Variants in OSBPL1A observed in about 807,000 individuals in gnomAD.
OSBPL1A encodes oxysterol-binding protein-related protein 1.
A neutral mutation model predicts 137.1 loss-of-function variants in OSBPL1A; 80 were observed. That is an observed-to-expected ratio of 0.58 (90% confidence interval 0.49 to 0.70). The LOEUF (loss-of-function observed/expected upper bound fraction) is 0.70, where lower values mean the gene tolerates loss of function less well. OSBPL1A is among the 30% of genes least tolerant of loss of function. OSBPL1A has a pLI of 0.00. For missense variants in OSBPL1A, 970 were observed against 1,129.4 expected, an observed-to-expected ratio of 0.86 and a Z score of 2.02; for synonymous variants, 365 against 389.7, an observed-to-expected ratio of 0.94 and a Z score of 0.75.
At chr18:24,266,923 C>T (rs943707187) in intron 15 of OSBPL1A, among the ~76,000 whole-genome samples, 1 of 151,528 alleles carries the variant, frequency 6.6e-6, no homozygotes, top group Non-Finnish European at 1.5e-5. Context: ...AAATAAAACT[C>T]AAAAAACTGA....
intron 15 of OSBPL1A, among the ~76,000 whole-genome samples, chr18:24,247,165 A>G (rs2088921800): frequency 6.6e-6 from 1 of 152,252 alleles, no homozygotes; most frequent in Non-Finnish European, 1.5e-5. Flanking sequence ...AGAAAGAGTC[A>G]GCAAAGGAAA....
At chr18:24,299,788 C>T (rs1338857498) in intron 14 of OSBPL1A, among the ~76,000 whole-genome samples, 1 of 152,100 alleles carries the variant, frequency 6.6e-6, no homozygotes, top group Non-Finnish European at 1.5e-5. Flanking sequence ...TAGTAACATG[C>T]AATATAGTAT....
intron 14 of OSBPL1A, among the ~76,000 whole-genome samples, chr18:24,292,347 C>T (rs2090189633): frequency 6.6e-6 from 1 of 152,176 alleles, no homozygotes; most frequent in African/African-American, 2.4e-5. Flanking sequence ...AAATATGCCA[C>T]AGTTCTGATG....
At chr18:24,225,991 C>A (rs1448103940) in intron 16 of OSBPL1A, among the ~76,000 whole-genome samples, 3 of 152,072 alleles carry the variant, frequency 2.0e-5, no homozygotes, top group Non-Finnish European at 4.4e-5. Context: ...AAATAAAATA[C>A]TTTTAAAAAT....
intron 1 of OSBPL1A, among the ~76,000 whole-genome samples, chr18:24,395,802 A>C (rs1907694509): frequency 1.3e-5 from 2 of 151,248 alleles, no homozygotes; most frequent in South Asian, 4.2e-4. Flanking sequence ...TTGTATTTTT[A>C]GTAGAGACAG....
At chr18:24,269,003 C>T (rs1036632094) in intron 15 of OSBPL1A, among the ~76,000 whole-genome samples, 1 of 152,192 alleles carries the variant, frequency 6.6e-6, no homozygotes, top group South Asian at 2.1e-4. Flanking sequence ...CTGGGTGTCA[C>T]CTATGGCTCC....
chr18:24,181,139 T>C lies in OSBPL1A; in HGVS notation c.1812+6A>G. ...GAGTTAGACCTTTTCCTCCCTTGGC[T>C]CATACCTGCATCCTTTCCACAGGAT... On this transcript the variant is annotated splice_donor_region_variant and intron_variant, in intron 19 of 27. Coordinates refer to ENST00000319481, the MANE Select transcript of OSBPL1A (RefSeq NM_080597.4). The C allele has an allele frequency of 6.2e-7, 1 of 1,613,408 alleles. No individual in the cohort carries two copies. The highest frequency in any genetic ancestry group is 2.2e-5 in the East Asian group (1 of 44,864).
At chr18:24,267,331 AGGT>A (rs2089604179) in intron 15 of OSBPL1A, among the ~76,000 whole-genome samples, 2 of 152,178 alleles carry the variant, frequency 1.3e-5, no homozygotes, top group African/African-American at 4.8e-5. Flanking sequence ...TACAAAGATA[AGGT>A]GGTTTTATAA....
chr18:24,387,244 C>A (rs1362563982), intron 1 of OSBPL1A, among the ~76,000 whole-genome samples: 1 of 151,800 alleles, frequency 6.6e-6, no homozygotes, highest in African/African-American at 2.4e-5. Context: ...TTTGTAGAGG[C>A]AGGGTTTCCC....
chr18:24,389,431 T>C (rs1033743640), intron 1 of OSBPL1A, among the ~76,000 whole-genome samples: 1 of 152,244 alleles, frequency 6.6e-6, no homozygotes, highest in African/African-American at 2.4e-5. Context: ...ATAAATATCA[T>C]AAAATTACTT....
intron 17 of OSBPL1A, among the ~76,000 whole-genome samples, chr18:24,202,207 C>T (rs542912292): frequency 1.4e-4 from 21 of 152,278 alleles, no homozygotes; most frequent in African/African-American, 4.1e-4. Context: ...CACCCAGCTG[C>T]GTAACCTGGG....
At chr18:24,298,535 C>T (rs548087131) in intron 14 of OSBPL1A, among the ~76,000 whole-genome samples, 2 of 152,094 alleles carry the variant, frequency 1.3e-5, no homozygotes, top group Admixed American at 6.5e-5. Context: ...TTAGTAGAGA[C>T]GGGGTTTCAC....
intron 15 of OSBPL1A, among the ~76,000 whole-genome samples, chr18:24,257,946 T>A (rs1166357073): frequency 6.6e-6 from 1 of 152,150 alleles, no homozygotes; most frequent in Non-Finnish European, 1.5e-5. Flanking sequence ...CCAGTTAAAA[T>A]GGCTTATCTC....
At chr18:24,198,244 A>G (rs1264724357) in intron 17 of OSBPL1A, among the ~76,000 whole-genome samples, 1 of 152,184 alleles carries the variant, frequency 6.6e-6, no homozygotes, top group Admixed American at 6.5e-5. Flanking sequence ...TACCATTCTA[A>G]CTAAAGGCAA....
At chr18:24,232,734 T>C (rs1306141121) in intron 16 of OSBPL1A, among the ~76,000 whole-genome samples, 3 of 152,238 alleles carry the variant, frequency 2.0e-5, no homozygotes. Flanking sequence ...AGTATTTTCA[T>C]GTGACTTCGA....
At chr18:24,167,680 G>GA (rs2086177973) in intron 24 of OSBPL1A, among the ~76,000 whole-genome samples, 4 of 152,204 alleles carry the variant, frequency 2.6e-5, no homozygotes, top group South Asian at 4.1e-4. Flanking sequence ...CTTTCCACAT[G>GA]AAAAAAGAGA....
intron 4 of OSBPL1A, among the ~76,000 whole-genome samples, chr18:24,342,871 A>G (rs537826889): frequency 6.6e-6 from 1 of 152,268 alleles, no homozygotes; most frequent in East Asian, 1.9e-4. Context: ...GTATTATTAT[A>G]TAAAATGTAC....
In OSBPL1A at chr18:24,271,122, T is replaced by C. The variant is rs922818583; in HGVS notation, c.1281+9720A>G. On this transcript the variant is annotated intron_variant, in intron 15 of 27. Transcript: ENST00000319481. This position sits in a 1 kb window ranked among gnomAD's most constrained non-coding sequence, Gnocchi z 4.0. ...CCACCTCCCCATTCCCCAACACAAA[T>C]AGAATTTCCCTTTCTCTCCTTAATC... Among the ~76,000 whole-genome samples, 10 of 152,172 alleles carry C rather than the reference T, an allele frequency of 6.6e-5. No individual in the cohort carries two copies. Among genetic ancestry groups the C allele is most frequent in the Non-Finnish European group, 1.3e-4 (9 of 68,022 alleles).
At chr18:24,242,379 G>A (rs1474318466) in intron 15 of OSBPL1A, among the ~76,000 whole-genome samples, 1 of 151,922 alleles carries the variant, frequency 6.6e-6, no homozygotes, top group Admixed American at 6.6e-5. Context: ...ACTGGATGGA[G>A]TGACATCCAA....
Sources: gnomAD v4.1 joint callset for allele counts (sites outside exome capture counted in the v4.1 genomes callset) on GRCh38, gnomAD v4.1.1 for gene constraint, Gnocchi (gnomAD v3.1) non-coding constraint, MANE v1.5 for transcripts, NCBI Gene and HGNC (gene_info 2026-07-23, HGNC 2026-07-21) for gene names.